The following MARCHF1 variants were observed in gnomAD, a reference collection of about 807,000 sequenced individuals.
MARCHF1 encodes the protein E3 ubiquitin-protein ligase MARCHF1.
In MARCHF1, 40 loss-of-function variants were observed where a neutral mutation model predicts 54.2. The observed-to-expected ratio is 0.74, with a 90% CI of 0.57 to 0.96. The LOEUF (loss-of-function observed/expected upper bound fraction) is 0.96, where lower values mean the gene tolerates loss of function less well. Ranked by LOEUF, MARCHF1 falls within the 40% of genes least tolerant of loss-of-function variation. The probability of loss-of-function intolerance (pLI) is 0.00; values close to 1 mark genes in which losing one functional copy is unlikely to be tolerated. For synonymous variants in MARCHF1, 236 were observed against 236.3 expected, an observed-to-expected ratio of 1.00 and a Z score of 0.01; for missense variants, 586 against 656.5, an observed-to-expected ratio of 0.89 and a Z score of 1.17.
At chr4:163,904,422 G>A (rs1350530862) in intron 3 of MARCHF1, among the ~76,000 whole-genome samples, 2 of 152,154 alleles carry the variant, frequency 1.3e-5, no homozygotes, top group East Asian at 3.8e-4. Flanking sequence ...GAAGTAGATA[G>A]GGAATTTTAA....
In MARCHF1 at chr4:163,528,538, A is replaced by G. The variant is rs573291330; in HGVS notation, c.*210T>C. 15 of 530,822 alleles carry G rather than the reference A, an allele frequency of 2.8e-5. No homozygotes were observed. In the South Asian group the frequency reaches 3.6e-4, roughly 13 times the overall value. The allele number at this position is 530,822 out of a possible 1,614,324, so 32.9% of individuals were successfully genotyped here. A position where few individuals can be genotyped will look rare whatever the true frequency, so the allele number is the denominator to read the frequency against. On this transcript the variant is annotated 3_prime_UTR_variant, in exon 10 of 10. Coordinates refer to ENST00000514618, the MANE Select transcript of MARCHF1 (RefSeq NM_001394959.1). ...CTTGCAAACTTCACATTTCCATATC[A>G]TACTTTACTTTACGCTATTACTTCA...
intron 1 of MARCHF1, among the ~76,000 whole-genome samples, chr4:164,313,764 T>C (rs1490964251): frequency 6.6e-6 from 1 of 152,162 alleles, no homozygotes; most frequent in Non-Finnish European, 1.5e-5. Context: ...GAAAATTAAA[T>C]CTACCCAGTC....
At chr4:164,090,380 T>C (rs1755273104) in intron 2 of MARCHF1, among the ~76,000 whole-genome samples, 1 of 152,026 alleles carries the variant, frequency 6.6e-6, no homozygotes. Flanking sequence ...CTAAAATAAT[T>C]TAAAATAGAG....
chr4:163,815,085 A>G (rs1748497138), intron 4 of MARCHF1, among the ~76,000 whole-genome samples: 1 of 152,200 alleles, frequency 6.6e-6, no homozygotes, highest in Non-Finnish European at 1.5e-5. Context: ...CAACATTACT[A>G]TAACATACAA....
intron 3 of MARCHF1, among the ~76,000 whole-genome samples, chr4:163,969,546 A>G (rs1430448770): frequency 6.6e-6 from 1 of 152,214 alleles, no homozygotes; most frequent in Non-Finnish European, 1.5e-5. Context: ...TTAATGTAAA[A>G]GTAAAAATGA....
intron 3 of MARCHF1, among the ~76,000 whole-genome samples, chr4:163,916,569 C>A (rs571155198): frequency 6.6e-6 from 1 of 151,446 alleles, no homozygotes; most frequent in South Asian, 2.1e-4. Flanking sequence ...TCGTGAGTCA[C>A]TGAAATTATC....
chr4:163,661,526 GC>G (rs909493080), intron 5 of MARCHF1, among the ~76,000 whole-genome samples: 8 of 151,724 alleles, frequency 5.3e-5, no homozygotes, highest in African/African-American at 1.9e-4. Context: ...TTTTCTAGAT[GC>G]TTTTCTTTTT....
chr4:163,566,994 C>G (rs1306591688), intron 8 of MARCHF1, among the ~76,000 whole-genome samples: 1 of 152,140 alleles, frequency 6.6e-6, no homozygotes, highest in Non-Finnish European at 1.5e-5. Context: ...CATGCAAACT[C>G]TTAGGGACCA....
chr4:164,075,062 T>C (rs763678722), intron 2 of MARCHF1, among the ~76,000 whole-genome samples: 5 of 152,160 alleles, frequency 3.3e-5, no homozygotes, highest in Non-Finnish European at 7.4e-5. Flanking sequence ...TCAGTAATTA[T>C]ATAACTTTCT....
At chr4:164,059,744 A>G (rs1251391569) in intron 2 of MARCHF1, among the ~76,000 whole-genome samples, 1 of 152,192 alleles carries the variant, frequency 6.6e-6, no homozygotes, top group Non-Finnish European at 1.5e-5. Context: ...AATCCTGAGT[A>G]TCATACAATG....
chr4:163,869,701 G>T (rs1297167362), intron 3 of MARCHF1, among the ~76,000 whole-genome samples: 1 of 151,976 alleles, frequency 6.6e-6, no homozygotes, highest in African/African-American at 2.4e-5. Context: ...AGACTAGAAA[G>T]CACTAAGGCA....
chr4:163,620,159 TA>T (rs1232205070), intron 5 of MARCHF1, among the ~76,000 whole-genome samples: 1 of 152,140 alleles, frequency 6.6e-6, no homozygotes, highest in Non-Finnish European at 1.5e-5. Flanking sequence ...AAGCCCTGTG[TA>T]AAAAGATGAT....
At chr4:164,278,209 C>G (rs1359247358) in intron 1 of MARCHF1, among the ~76,000 whole-genome samples, 1 of 152,022 alleles carries the variant, frequency 6.6e-6, no homozygotes, top group Non-Finnish European at 1.5e-5. Flanking sequence ...ACTTGGGAGG[C>G]TGAGGTGGAA....
chr4:164,172,122 C>T (rs1240648121), intron 1 of MARCHF1, among the ~76,000 whole-genome samples: 2 of 152,052 alleles, frequency 1.3e-5, no homozygotes, highest in African/African-American at 2.4e-5. Context: ...TCTTGGCTAC[C>T]CCTCATTTTC....
intron 3 of MARCHF1, among the ~76,000 whole-genome samples, chr4:163,855,394 C>T (rs1258499381): frequency 6.6e-6 from 1 of 152,080 alleles, no homozygotes; most frequent in Non-Finnish European, 1.5e-5. Context: ...AAACACATTG[C>T]TTGAGATTTA....
At chr4:163,733,183 AT>A in intron 4 of MARCHF1, among the ~76,000 whole-genome samples, 1 of 14,894 alleles carries the variant, frequency 6.7e-5, no homozygotes. Context: ...GTGTGTATAT[AT>A]ATATATATAT....
At chr4:163,562,091 G>A (rs1001991188) in intron 8 of MARCHF1, among the ~76,000 whole-genome samples, 18 of 152,144 alleles carry the variant, frequency 1.2e-4, no homozygotes, top group South Asian at 4.1e-4. Context: ...GAGGTCAGGA[G>A]TTTGAGACTA....
At chr4:163,662,676 G>A (rs989031662) in intron 5 of MARCHF1, among the ~76,000 whole-genome samples, 2 of 151,982 alleles carry the variant, frequency 1.3e-5, no homozygotes, top group East Asian at 1.9e-4. Context: ...CTCAAAAGCT[G>A]ATTAGGTCTA....
At position 163,888,060 on chromosome 4, in the gene MARCHF1, T is replaced by C. The variant is rs149985794; in HGVS notation, c.-38-33891A>G. Among the ~76,000 whole-genome samples, 443 of 152,296 alleles carry C rather than the reference T, an allele frequency of 2.9e-3. 6 individuals carry two copies. The highest frequency in any genetic ancestry group is 0.014 in the Middle Eastern group (4 of 294). ...TAGGAAAGTACTGACTTAAAAATTG[T>C]GAAAATAGGATGTCTGCGCTTTAAA... On this transcript the variant is annotated intron_variant, in intron 3 of 9. Coordinates refer to ENST00000514618, the MANE Select transcript of MARCHF1 (RefSeq NM_001394959.1).
Sources: allele counts gnomAD v4.1 joint callset (sites outside exome capture counted in the v4.1 genomes callset), GRCh38; gene constraint gnomAD v4.1.1; transcripts MANE v1.5; gene names NCBI Gene and HGNC (gene_info 2026-07-23, HGNC 2026-07-21).